Variants in ETS1 observed in about 807,000 individuals in gnomAD.
The protein encoded by ETS1 is protein C-ets-1.
In ETS1, 15 loss-of-function variants were observed where a neutral mutation model predicts 58.6. That is an observed-to-expected ratio of 0.26 (90% CI 0.17 to 0.39). The LOEUF (loss-of-function observed/expected upper bound fraction) is 0.39. Ranked by LOEUF, ETS1 falls within the 10% of genes least tolerant of loss-of-function variation. ETS1 has a pLI of 1.00. For missense variants in ETS1, 417 were observed against 610.5 expected, an observed-to-expected ratio of 0.68 and a Z score of 3.34; for synonymous variants, 214 against 218.2, an observed-to-expected ratio of 0.98 and a Z score of 0.17.
intron 1 of ETS1, among the ~76,000 whole-genome samples, chr11:128,582,985 C>CT (rs1480461900): frequency 2.0e-5 from 3 of 151,806 alleles, no homozygotes; most frequent in Non-Finnish European, 4.4e-5. Flanking sequence ...TTTGTTTTTG[C>CT]TTTTTCTTTA....
At chr11:128,470,581 C>T (rs956382708) in intron 8 of ETS1, among the ~76,000 whole-genome samples, 1 of 151,808 alleles carries the variant, frequency 6.6e-6, no homozygotes, top group Non-Finnish European at 1.5e-5. Context: ...AAGAGGTGAA[C>T]AATTTAGGAG....
At chr11:128,564,502 C>CGGG in intron 2 of ETS1, among the ~76,000 whole-genome samples, 1 of 152,126 alleles carries the variant, frequency 6.6e-6, no homozygotes, top group South Asian at 2.1e-4. Flanking sequence ...CACACAAAGT[C>CGGG]GGAGGTAGTG....
intron 3 of ETS1, among the ~76,000 whole-genome samples, chr11:128,556,064 A>C (rs1403107475): frequency 1.3e-5 from 2 of 152,246 alleles, no homozygotes; most frequent in East Asian, 3.8e-4. Flanking sequence ...TGCAAGGTGA[A>C]GACCTAAAGC....
chr11:128,580,078 A>T (rs1864834798), intron 1 of ETS1, among the ~76,000 whole-genome samples: 1 of 151,594 alleles, frequency 6.6e-6, no homozygotes, highest in Admixed American at 6.6e-5. Flanking sequence ...CTGTTTACTA[A>T]ATGAGGGAAA....
chr11:128,502,147 A>T (rs1316337315), intron 3 of ETS1, among the ~76,000 whole-genome samples: 1 of 152,244 alleles, frequency 6.6e-6, no homozygotes, highest in Non-Finnish European at 1.5e-5. Flanking sequence ...GACAGGAGGA[A>T]CTGGAAGTCT....
At chr11:128,512,233 C>A (rs547489466) in intron 3 of ETS1, among the ~76,000 whole-genome samples, 2 of 151,924 alleles carry the variant, frequency 1.3e-5, no homozygotes, top group Non-Finnish European at 2.9e-5. Flanking sequence ...ACTATTGGGG[C>A]GAAATAATGA....
At chr11:128,581,836 AC>A (rs1451645281) in intron 1 of ETS1, among the ~76,000 whole-genome samples, 3 of 152,220 alleles carry the variant, frequency 2.0e-5, no homozygotes, top group Non-Finnish European at 4.4e-5. Flanking sequence ...GGAATTCTCA[AC>A]AAAACTGAGA....
chr11:128,475,697 G>A (rs1004884507), intron 8 of ETS1, among the ~76,000 whole-genome samples: 20 of 151,776 alleles, frequency 1.3e-4, no homozygotes, highest in African/African-American at 2.2e-4. Context: ...GACTACAGGC[G>A]CCCACCACCA....
rs149141461 is a variant in ETS1 at position 128,463,102 on chromosome 11, G to A, written c.1242+407C>T. ...TTATCCTCAGAATTGGGCATGGCACGGAACCACTACTCCATAAACATGTGT... is the reference window on the plus strand; with the variant it reads ...TTATCCTCAGAATTGGGCATGGCACAGAACCACTACTCCATAAACATGTGT... On this transcript the variant is annotated intron_variant, in intron 9 of 9. Coordinates refer to ENST00000392668, the MANE Select transcript of ETS1 (RefSeq NM_001143820.2). The surrounding 1 kb of genome is among the most constrained non-coding windows in gnomAD (Gnocchi z 4.1). 4.7e-5 allele frequency among the ~76,000 whole-genome samples: 7 copies of A among 148,966 alleles called. No homozygotes were observed. Among genetic ancestry groups the A allele is most frequent in the Admixed American group, 2.0e-4 (3 of 15,016 alleles).
intron 3 of ETS1, among the ~76,000 whole-genome samples, chr11:128,531,764 C>A (rs1044910939): frequency 6.6e-6 from 1 of 152,178 alleles, no homozygotes; most frequent in Non-Finnish European, 1.5e-5. Context: ...CGTTTGATAG[C>A]CAATGATTTT....
intron 3 of ETS1, among the ~76,000 whole-genome samples, chr11:128,538,032 A>T (rs1863996267): frequency 6.6e-6 from 1 of 152,222 alleles, no homozygotes. Flanking sequence ...TCATTTTCTT[A>T]AAAGTCTTGT....
At chr11:128,543,310 G>A (rs1311865867) in intron 3 of ETS1, among the ~76,000 whole-genome samples, 1 of 152,104 alleles carries the variant, frequency 6.6e-6, no homozygotes, top group Non-Finnish European at 1.5e-5. Flanking sequence ...GCCAGGAAGA[G>A]CGAAAAGATT....
intron 4 of ETS1, 151 bp downstream of exon 4, chr11:128,490,306 C>T: frequency 1.3e-6 from 1 of 758,882 alleles, no homozygotes; most frequent in Non-Finnish European, 2.2e-6. Flanking sequence ...GTATGTGTGT[C>T]ATGATTGTCC....
At chr11:128,581,056 GT>G (rs532735630) in intron 1 of ETS1, among the ~76,000 whole-genome samples, 54 of 152,260 alleles carry the variant, frequency 3.5e-4, no homozygotes, top group African/African-American at 1.2e-3. Flanking sequence ...ACTAGAAGAT[GT>G]TTTACTCTGG....
intron 8 of ETS1, among the ~76,000 whole-genome samples, chr11:128,470,165 A>T (rs960828979): frequency 6.6e-6 from 1 of 152,228 alleles, no homozygotes; most frequent in Non-Finnish European, 1.5e-5. Context: ...CAGCTCTCAA[A>T]TCAGTTAAAA....
In ETS1 at chr11:128,555,629, C is replaced by CA. The variant is rs796547061; in HGVS notation, c.214+661dup. On this transcript the variant is annotated intron_variant, in intron 3 of 9. Coordinates refer to ENST00000392668, the MANE Select transcript of ETS1 (RefSeq NM_001143820.2). ...TTGTTTAAAAACAAAACAAAACAAA[C>CA]AAAAAAAAAACACTAGCTGGTAAAC... 2.4e-3 allele frequency among the ~76,000 whole-genome samples: 351 copies of CA among 144,736 alleles called. 1 individual carries two copies. The highest frequency in any genetic ancestry group is 0.014 in the Middle Eastern group (4 of 278). The allele number at this position is 144,736 out of a possible 152,430, so 95.0% of individuals were successfully genotyped here.
At chr11:128,466,188 G>A (rs1368619229) in intron 8 of ETS1, among the ~76,000 whole-genome samples, 2 of 152,234 alleles carry the variant, frequency 1.3e-5, no homozygotes, top group East Asian at 1.9e-4. Flanking sequence ...GATATTTCCA[G>A]CATCCTCTTG....
At chr11:128,519,510 A>G (rs1863608227) in intron 3 of ETS1, among the ~76,000 whole-genome samples, 3 of 152,244 alleles carry the variant, frequency 2.0e-5, no homozygotes, top group South Asian at 4.1e-4. Flanking sequence ...GTGAGAAGTT[A>G]AACTTTAAAC....
chr11:128,472,702 A>G (rs1299515486), intron 8 of ETS1, among the ~76,000 whole-genome samples: 1 of 152,214 alleles, frequency 6.6e-6, no homozygotes, highest in Non-Finnish European at 1.5e-5. Flanking sequence ...GAGCTCCTCC[A>G]GCAGACGACC....
Sources: allele counts gnomAD v4.1 joint callset (sites outside exome capture counted in the v4.1 genomes callset), GRCh38; gene constraint gnomAD v4.1.1; non-coding constraint Gnocchi (gnomAD v3.1); transcripts MANE v1.5; gene names NCBI Gene and HGNC (gene_info 2026-07-23, HGNC 2026-07-21).